KIAA1549L: variants seen among roughly 807,000 people sequenced by gnomAD.
KIAA1549L encodes KIAA1549 like, also known as UPF0606 protein KIAA1549L.
A neutral mutation model predicts 160.7 loss-of-function variants in KIAA1549L; 88 were observed. The observed-to-expected ratio is 0.55, with a 90% CI of 0.46 to 0.65. The LOEUF (loss-of-function observed/expected upper bound fraction) is 0.65, where lower values mean the gene tolerates loss of function less well. Among genes scored for constraint, KIAA1549L ranks in the 30% least tolerant of loss-of-function variants. The pLI is 0.00. For missense variants in KIAA1549L, 2,258 were observed against 2,437.5 expected (o/e 0.93, Z 1.55); for synonymous variants, 950 against 976.7 (o/e 0.97, Z 0.51).
At chr11:33,561,997 T>C (rs1854875150) in intron 8 of KIAA1549L, among the ~76,000 whole-genome samples, 1 of 152,200 alleles carries the variant, frequency 6.6e-6, no homozygotes, top group Non-Finnish European at 1.5e-5. Context: ...GAAGTTACAA[T>C]GTTAACCGAA....
intron 19 of KIAA1549L, among the ~76,000 whole-genome samples, chr11:33,660,397 C>G (rs923050236): frequency 6.6e-6 from 1 of 152,180 alleles, no homozygotes; most frequent in Non-Finnish European, 1.5e-5. Context: ...AACCCCATCT[C>G]TACTAAAAAT....
At chr11:33,476,055 T>G (rs1278354316) in intron 1 of KIAA1549L, among the ~76,000 whole-genome samples, 2 of 152,058 alleles carry the variant, frequency 1.3e-5, no homozygotes, top group Non-Finnish European at 2.9e-5. Context: ...ACCTGGAAAC[T>G]CCACACAACT....
At chr11:33,647,984 C>CCTTTT (rs200192353) in intron 17 of KIAA1549L, among the ~76,000 whole-genome samples, 7,035 of 151,886 alleles carry the variant, frequency 0.046, 244 homozygotes, top group East Asian at 0.18. Flanking sequence ...CCAGAACTAA[C>CCTTTT]CTTTTCTTTT....
intron 19 of KIAA1549L, among the ~76,000 whole-genome samples, chr11:33,659,854 A>G (rs1388816907): frequency 6.6e-6 from 1 of 152,192 alleles, no homozygotes; most frequent in Non-Finnish European, 1.5e-5. Context: ...GTCCCAGCAG[A>G]TGATGCCCTT....
chr11:33,442,112 G>A (rs1851520230), intron 1 of KIAA1549L, among the ~76,000 whole-genome samples: 1 of 151,704 alleles, frequency 6.6e-6, no homozygotes, highest in Non-Finnish European at 1.5e-5. Flanking sequence ...GTATAAGGAA[G>A]GGATCCAGTT....
intron 1 of KIAA1549L, among the ~76,000 whole-genome samples, chr11:33,489,093 C>G (rs1196648405): frequency 6.6e-6 from 1 of 152,208 alleles, no homozygotes; most frequent in Non-Finnish European, 1.5e-5. Flanking sequence ...CAGATATACC[C>G]TGAAATCTCT....
intron 20 of KIAA1549L, among the ~76,000 whole-genome samples, chr11:33,666,487 A>G (rs1441665966): frequency 6.6e-6 from 1 of 152,134 alleles, no homozygotes; most frequent in Non-Finnish European, 1.5e-5. Flanking sequence ...CCTCCCATAC[A>G]TACTTCATTC....
chr11:33,647,321 A>G (rs1851749169), intron 17 of KIAA1549L, among the ~76,000 whole-genome samples: 1 of 149,296 alleles, frequency 6.7e-6, no homozygotes, highest in South Asian at 2.1e-4. Context: ...AGTTGCAGTG[A>G]GCCAAGACTG....
chr11:33,531,343 C>T (rs375456168), intron 1 of KIAA1549L, among the ~76,000 whole-genome samples: 185 of 152,160 alleles, frequency 1.2e-3, no homozygotes, highest in African/African-American at 4.4e-3. Context: ...GCCATGATGG[C>T]GGGTGCCTGT....
rs185344981 is a variant in KIAA1549L at position 33,431,798 on chromosome 11, G to A, written c.238+54909G>A. On this transcript the variant is annotated intron_variant, in intron 1 of 20. Transcript: ENST00000658780. The stretch of plus-strand genomic sequence containing the variant: ...GACTGGGCGCCGTGGAGCAGGGGGC[G>A]GTGCTCATCGGGGAGGCTCGGGCTG... Among the ~76,000 whole-genome samples the A allele has an allele frequency of 7.9e-5, 12 of 152,350 alleles. No individual in the cohort carries two copies. The East Asian group carries it at 1.4e-3, about 17-fold the overall frequency.
chr11:33,646,573 GGA>G (rs758876728), intron 17 of KIAA1549L, among the ~76,000 whole-genome samples: 122 of 152,248 alleles, frequency 8.0e-4, no homozygotes, highest in Non-Finnish European at 1.5e-3. Context: ...GGAAGGCCAG[GGA>G]GAGTTTCATG....
chr11:33,390,920 C>G (rs551800214), intron 1 of KIAA1549L, among the ~76,000 whole-genome samples: 1 of 152,304 alleles, frequency 6.6e-6, no homozygotes, highest in East Asian at 1.9e-4. Context: ...CCCTGGCACA[C>G]CAATGCTCCT....
chr11:33,537,120 C>G (rs564925818), intron 1 of KIAA1549L, among the ~76,000 whole-genome samples: 1 of 152,318 alleles, frequency 6.6e-6, no homozygotes, highest in East Asian at 1.9e-4. Context: ...CTCGTGATGC[C>G]TCTTCCTGCC....
intron 13 of KIAA1549L, among the ~76,000 whole-genome samples, chr11:33,600,173 C>G (rs1352523893): frequency 1.3e-5 from 2 of 152,094 alleles, no homozygotes; most frequent in Non-Finnish European, 2.9e-5. Flanking sequence ...TTTGTCTTTC[C>G]CTGAATTCTG....
intron 16 of KIAA1549L, among the ~76,000 whole-genome samples, chr11:33,644,487 TTGAA>T (rs1170034970): frequency 6.6e-6 from 1 of 152,254 alleles, no homozygotes; most frequent in African/African-American, 2.4e-5. Flanking sequence ...ATATGTGTGG[TTGAA>T]TGAATAAAGT....
intron 1 of KIAA1549L, among the ~76,000 whole-genome samples, chr11:33,415,214 T>C (rs1372178693): frequency 6.6e-6 from 1 of 152,316 alleles, no homozygotes; most frequent in South Asian, 2.1e-4. Context: ...CAATCATTCA[T>C]TACTTTATTC....
intron 16 of KIAA1549L, among the ~76,000 whole-genome samples, chr11:33,640,189 T>C (rs1174025171): frequency 6.6e-6 from 1 of 152,158 alleles, no homozygotes; most frequent in Admixed American, 6.5e-5. Context: ...ATGTATTCTG[T>C]TTATAAAATC....
At chr11:33,608,782 G>T (rs1041531922) in intron 14 of KIAA1549L, among the ~76,000 whole-genome samples, 1 of 152,142 alleles carries the variant, frequency 6.6e-6, no homozygotes, top group Non-Finnish European at 1.5e-5. Flanking sequence ...GACCTTGCTG[G>T]CATTTGGATT....
intron 1 of KIAA1549L, among the ~76,000 whole-genome samples, chr11:33,469,113 G>A (rs766203999): frequency 6.6e-6 from 1 of 152,110 alleles, no homozygotes; most frequent in Non-Finnish European, 1.5e-5. Context: ...TATGTGCAGA[G>A]TTGTACAACT....
Sources: gnomAD v4.1 joint callset for allele counts (sites outside exome capture counted in the v4.1 genomes callset) on GRCh38, gnomAD v4.1.1 for gene constraint, MANE v1.5 for transcripts, NCBI Gene and HGNC (gene_info 2026-07-23, HGNC 2026-07-21) for gene names.